RBFOX1: variants seen among roughly 807,000 people sequenced by gnomAD.
The protein encoded by RBFOX1 is RNA binding protein fox-1 homolog 1.
In RBFOX1, 8 loss-of-function variants were observed where a neutral mutation model predicts 57.7. That is an observed-to-expected ratio of 0.14 (90% confidence interval 0.08 to 0.25). The LOEUF is 0.25. Among genes scored for constraint, RBFOX1 ranks in the 10% least tolerant of loss-of-function variants. RBFOX1 has a pLI of 1.00. For synonymous variants in RBFOX1, 326 were observed against 222.4 expected (o/e 1.47, Z -4.15); for missense variants, 611 against 548.5 (o/e 1.11, Z -1.14).
intron 3 of RBFOX1, among the ~76,000 whole-genome samples, chr16:6,903,616 G>A (rs2069021187): frequency 6.6e-6 from 1 of 152,150 alleles, no homozygotes; most frequent in African/African-American, 2.4e-5. Context: ...CAGTCAACCT[G>A]TATAAATGCT....
intron 2 of RBFOX1, among the ~76,000 whole-genome samples, chr16:6,348,789 T>A (rs1379049135): frequency 1.3e-5 from 2 of 152,024 alleles, no homozygotes; most frequent in African/African-American, 4.8e-5. Context: ...ACACCCTTGA[T>A]CCCATCACCT....
chr16:6,557,173 A>G (rs2097116611), intron 2 of RBFOX1, among the ~76,000 whole-genome samples: 1 of 148,062 alleles, frequency 6.8e-6, no homozygotes, highest in Non-Finnish European at 1.5e-5. Flanking sequence ...ACATATATAT[A>G]TATACATATA....
chr16:6,163,793 G>A lies in RBFOX1; in HGVS notation c.-127+143801G>A, dbSNP rs542303923. Among the ~76,000 whole-genome samples, 10 of 152,258 alleles carry A rather than the reference G, an allele frequency of 6.6e-5. No individual in the cohort carries two copies. In the South Asian group the frequency reaches 1.9e-3, roughly 29 times the overall value. On this transcript the variant is annotated intron_variant, in intron 1 of 15. Transcript: ENST00000550418. The stretch of plus-strand genomic sequence containing the variant: ...ATTTATAAGGTGATGTGTACCTATA[G>A]GAATATTTTTTTTGCCCAATCTTAA...
intron 3 of RBFOX1, among the ~76,000 whole-genome samples, chr16:7,034,155 T>C (rs1015712487): frequency 3.9e-5 from 6 of 152,154 alleles, no homozygotes; most frequent in Non-Finnish European, 5.9e-5. Flanking sequence ...TCATTGCTGG[T>C]TCTGGATTCA....
intron 1 of RBFOX1, among the ~76,000 whole-genome samples, chr16:6,297,300 C>G (rs2078235848): frequency 1.3e-5 from 2 of 152,122 alleles, no homozygotes; most frequent in Non-Finnish European, 2.9e-5. Context: ...CAGTAGGTCT[C>G]AGCCTCATTT....
At chr16:6,892,757 T>G (rs1217307377) in intron 3 of RBFOX1, among the ~76,000 whole-genome samples, 1 of 147,988 alleles carries the variant, frequency 6.8e-6, no homozygotes, top group East Asian at 2.0e-4. Context: ...ATGCATATTC[T>G]CAAAGCCTCC....
At position 7,524,764 on chromosome 16, in the gene RBFOX1, C is replaced by T. The variant is rs1256246007; in HGVS notation, c.270+6375C>T. On this transcript the variant is annotated intron_variant, in intron 5 of 15. Coordinates refer to ENST00000550418, the MANE Select transcript of RBFOX1 (RefSeq NM_018723.4). Reference sequence around the variant, plus strand: ...AAGTGTTAACTGCGCCTCCAAATTTCCTTAATACTTTTAGGAAGATAAGGT... The same window carrying T: ...AAGTGTTAACTGCGCCTCCAAATTTTCTTAATACTTTTAGGAAGATAAGGT... Among the ~76,000 whole-genome samples the T allele has an allele frequency of 2.6e-5, 4 of 152,190 alleles. No homozygotes were observed. In the East Asian group the frequency reaches 7.7e-4, roughly 29 times the overall value.
At chr16:6,819,705 C>CAAAAAAAAAAAAAA (rs1181614275) in intron 3 of RBFOX1, among the ~76,000 whole-genome samples, 1 of 20,626 alleles carries the variant, frequency 4.8e-5, no homozygotes, top group Admixed American at 8.0e-4. Flanking sequence ...AACTCTGACT[C>CAAAAAAAAAAAAAA]AAAAAAAAAA....
intron 6 of RBFOX1, among the ~76,000 whole-genome samples, chr16:7,583,905 C>CA (rs917196207): frequency 3.3e-5 from 5 of 152,018 alleles, no homozygotes; most frequent in African/African-American, 9.7e-5. Context: ...TTTATTGTCA[C>CA]AAAAAAACAG....
At chr16:7,352,161 A>G (rs1009926267) in intron 4 of RBFOX1, among the ~76,000 whole-genome samples, 3 of 152,166 alleles carry the variant, frequency 2.0e-5, no homozygotes, top group Non-Finnish European at 4.4e-5. Flanking sequence ...TCTGCTCCAG[A>G]TACAGCCATG....
intron 4 of RBFOX1, among the ~76,000 whole-genome samples, chr16:7,403,208 C>G (rs1376776771): frequency 1.3e-5 from 2 of 152,172 alleles, no homozygotes; most frequent in Non-Finnish European, 2.9e-5. Context: ...GTGAAGGTAT[C>G]TATCAGCTCA....
intron 4 of RBFOX1, among the ~76,000 whole-genome samples, chr16:7,453,071 G>A (rs1165066828): frequency 3.3e-5 from 5 of 150,310 alleles, no homozygotes; most frequent in African/African-American, 9.8e-5. Flanking sequence ...GGAGGTTGCA[G>A]TGAGCTGAGA....
intron 5 of RBFOX1, among the ~76,000 whole-genome samples, chr16:7,524,654 G>T (rs1365615344): frequency 2.0e-5 from 3 of 152,204 alleles, no homozygotes; most frequent in African/African-American, 7.2e-5. Flanking sequence ...GCCCCAGCTA[G>T]GTTCCTGAGC....
intron 11 of RBFOX1, among the ~76,000 whole-genome samples, chr16:7,632,017 C>T (rs1052294411): frequency 1.3e-5 from 2 of 152,154 alleles, no homozygotes; most frequent in Admixed American, 6.5e-5. Context: ...TCAAGCAATT[C>T]TCATGACTCA....
At chr16:5,652,781 T>C (rs1231505604) in intron 3 of RBFOX1, among the ~76,000 whole-genome samples, 1 of 152,230 alleles carries the variant, frequency 6.6e-6, no homozygotes, top group Non-Finnish European at 1.5e-5. Flanking sequence ...TTAGTGACCC[T>C]GGGTGGATTA....
intron 2 of RBFOX1, chr16:6,483,337 C>T: frequency 5.4e-6 from 8 of 1,471,940 alleles, no homozygotes; most frequent in South Asian, 4.0e-5. Flanking sequence ...CACCTGCTGG[C>T]GGTCGTGCCA....
intron 4 of RBFOX1, among the ~76,000 whole-genome samples, chr16:7,386,336 C>G (rs1297777931): frequency 1.3e-5 from 2 of 152,084 alleles, no homozygotes; most frequent in East Asian, 3.9e-4. Flanking sequence ...GCACCCATCA[C>G]CCCGTCATCT....
At chr16:6,819,221 C>T (rs749131932) in intron 3 of RBFOX1, among the ~76,000 whole-genome samples, 1 of 152,186 alleles carries the variant, frequency 6.6e-6, no homozygotes, top group Non-Finnish European at 1.5e-5. Context: ...AAATCGTCTT[C>T]ATTCCTGTGG....
At chr16:6,430,954 G>C (rs1410085389) in intron 2 of RBFOX1, among the ~76,000 whole-genome samples, 1 of 138,582 alleles carries the variant, frequency 7.2e-6, no homozygotes, top group East Asian at 2.2e-4. Context: ...AACATAGTGA[G>C]TCCTCATCTC....
Sources: gnomAD v4.1 joint callset for allele counts (sites outside exome capture counted in the v4.1 genomes callset) on GRCh38, gnomAD v4.1.1 for gene constraint, MANE v1.5 for transcripts, NCBI Gene and HGNC (gene_info 2026-07-23, HGNC 2026-07-21) for gene names.